The following BRINP3 variants were observed in gnomAD, a reference collection of about 807,000 sequenced individuals.
BRINP3 encodes BMP/retinoic acid inducible neural specific 3.
In BRINP3, 19 loss-of-function variants were observed where a neutral mutation model predicts 71.0. That is an observed-to-expected ratio of 0.27 (90% CI 0.19 to 0.39). The LOEUF is 0.39. Ranked by LOEUF, BRINP3 falls within the 10% of genes least tolerant of loss-of-function variation. The pLI is 1.00. For missense variants in BRINP3, 959 were observed against 940.8 expected, an observed-to-expected ratio of 1.02 and a Z score of -0.25; for synonymous variants, 380 against 337.7, an observed-to-expected ratio of 1.13 and a Z score of -1.37.
intron 2 of BRINP3, among the ~76,000 whole-genome samples, chr1:190,370,057 A>G (rs1386764632): frequency 6.6e-6 from 1 of 152,152 alleles, no homozygotes; most frequent in East Asian, 1.9e-4. Flanking sequence ...TGACCATCTC[A>G]GTGAAGAAAT....
intron 6 of BRINP3, among the ~76,000 whole-genome samples, chr1:190,188,759 T>C (rs1194574851): frequency 6.6e-6 from 1 of 152,040 alleles, no homozygotes; most frequent in Non-Finnish European, 1.5e-5. Flanking sequence ...GGCTTGCTGG[T>C]ATCTTTTTTT....
At chr1:190,361,438 CT>C (rs1669141185) in intron 2 of BRINP3, among the ~76,000 whole-genome samples, 2 of 151,950 alleles carry the variant, frequency 1.3e-5, no homozygotes. Flanking sequence ...AAGTCTTGCT[CT>C]GTCACCAGGC....
At chr1:190,246,070 G>C (rs1004414922) in intron 4 of BRINP3, among the ~76,000 whole-genome samples, 4 of 134,148 alleles carry the variant, frequency 3.0e-5, no homozygotes, top group Admixed American at 1.7e-4. Flanking sequence ...ACATACGTGT[G>C]CATGTGTCTT....
At position 190,160,661 on chromosome 1, in the gene BRINP3, G is replaced by A. The variant is rs1206437005; in HGVS notation, c.1184+7C>T. On this transcript the variant is annotated splice_region_variant and intron_variant, in intron 7 of 7. Coordinates refer to ENST00000367462, the MANE Select transcript of BRINP3 (RefSeq NM_199051.3). ...CTTAATTGCTTACATTACCACAAAT[G>A]TCTTACCTTTGTCTTGGCAGGCTGA... 6.2e-7 allele frequency: 1 copy of A among 1,609,854 alleles called. No homozygotes were observed. The highest frequency in any genetic ancestry group is 1.7e-5 in the Admixed American group (1 of 59,298).
At chr1:190,473,544 T>C (rs940770766) in intron 1 of BRINP3, among the ~76,000 whole-genome samples, 1 of 149,480 alleles carries the variant, frequency 6.7e-6, no homozygotes, top group African/African-American at 2.4e-5. Flanking sequence ...TTTTCTCTTT[T>C]TTTTTTTTTT....
chr1:190,475,640 G>C (rs1284542518), intron 1 of BRINP3: 1 of 152,172 alleles, frequency 6.6e-6, no homozygotes, highest in Non-Finnish European at 1.5e-5. Flanking sequence ...GCGTTGCCGT[G>C]AGCTGCGGAG....
chr1:190,476,123 A>T (rs958014039), intron 1 of BRINP3: 2 of 151,562 alleles, frequency 1.3e-5, no homozygotes, highest in Admixed American at 1.3e-4. Context: ...AGACGGGGGG[A>T]TGGGGCGACG....
At position 190,098,095 on chromosome 1, in the gene BRINP3, T is replaced by A; in HGVS notation, c.2224A>T (p.Ile742Phe). 6.2e-7 allele frequency: 1 copy of A among 1,614,174 alleles called. No individual in the cohort carries two copies. The highest frequency in any genetic ancestry group is 8.5e-7 in the Non-Finnish European group (1 of 1,180,034). ...TTAAACGCCTGCAGAGCAGATTGGATCCTCACCACCTCACTAGTAGACAGC... is the reference window on the plus strand; with the variant it reads ...TTAAACGCCTGCAGAGCAGATTGGAACCTCACCACCTCACTAGTAGACAGC... ...LKLSTSEVVR[I>F]QSALQAFNAK... Residue 742 changes from isoleucine (I) to phenylalanine (F), a missense_variant, in exon 8 of 8, where the codon ATC becomes TTC. By Grantham distance (21) the Ile-to-Phe change is conservative. Transcript: ENST00000367462.
intron 7 of BRINP3, among the ~76,000 whole-genome samples, chr1:190,111,406 C>T (rs1168967278): frequency 1.3e-5 from 2 of 151,734 alleles, no homozygotes; most frequent in South Asian, 2.1e-4. Context: ...GAAACAGCAA[C>T]GTGATATGTA....
At chr1:190,249,941 T>C (rs947957501) in intron 4 of BRINP3, among the ~76,000 whole-genome samples, 5 of 151,962 alleles carry the variant, frequency 3.3e-5, no homozygotes, top group African/African-American at 1.2e-4. Context: ...TAGAAGATTG[T>C]AGTTTAAAAG....
chr1:190,284,333 T>C (rs1571628345), intron 2 of BRINP3, among the ~76,000 whole-genome samples: 1 of 152,008 alleles, frequency 6.6e-6, no homozygotes, highest in East Asian at 1.9e-4. Context: ...GAAAATATTG[T>C]TTACTCTTTA....
chr1:190,285,238 C>T (rs183838534), intron 2 of BRINP3, among the ~76,000 whole-genome samples: 4 of 152,180 alleles, frequency 2.6e-5, no homozygotes, highest in Admixed American at 1.3e-4. Flanking sequence ...AGATATGAAT[C>T]GAAATTCCCA....
intron 2 of BRINP3, among the ~76,000 whole-genome samples, chr1:190,330,647 A>T (rs1200173784): frequency 9.2e-5 from 14 of 151,994 alleles, no homozygotes; most frequent in Admixed American, 9.2e-4. Context: ...TCCAAAAGAA[A>T]ACAAATCATT....
In BRINP3 at chr1:190,309,813, A is replaced by G. The variant is rs570734151; in HGVS notation, c.237-28063T>C. Among the ~76,000 whole-genome samples the G allele has an allele frequency of 1.3e-4, 19 of 151,910 alleles. 1 individual carries two copies. Among genetic ancestry groups the G allele is most frequent in the African/African-American group, 4.3e-4 (18 of 41,524 alleles). On this transcript the variant is annotated intron_variant, in intron 2 of 7. Coordinates refer to ENST00000367462, the MANE Select transcript of BRINP3 (RefSeq NM_199051.3). ...GGAGTGTACACCACTCTAATTTATA[A>G]TTTGCTAATCTGAAAATATTACTTG... is the stretch of plus-strand genomic sequence containing the variant.
At position 190,097,862 on chromosome 1, in the gene BRINP3, G is replaced by T. The variant is rs1357008630; in HGVS notation, c.*156C>A. On this transcript the variant is annotated 3_prime_UTR_variant, in exon 8 of 8. Transcript: ENST00000367462. ...CTGCTGTATAATATATTCATTGTCA[G>T]CAAGTTCATGTGTGTAAATTGCCAT... 8.9e-6 allele frequency: 7 copies of T among 784,158 alleles called. No individual in the cohort carries two copies. The highest frequency in any genetic ancestry group is 1.4e-5 in the Non-Finnish European group (7 of 499,714). 48.6% of individuals were successfully genotyped at this position (784,158 alleles called of 1,614,324 possible). A position where few individuals can be genotyped will look rare whatever the true frequency, so the allele number is the denominator to read the frequency against.
At chr1:190,200,388 G>C (rs1431117331) in intron 6 of BRINP3, among the ~76,000 whole-genome samples, 1 of 152,058 alleles carries the variant, frequency 6.6e-6, no homozygotes. Flanking sequence ...TATAGAACAT[G>C]AACCAATAGA....
At chr1:190,467,257 C>CA (rs1265122907) in intron 1 of BRINP3, among the ~76,000 whole-genome samples, 2 of 151,436 alleles carry the variant, frequency 1.3e-5, no homozygotes, top group Non-Finnish European at 3.0e-5. Flanking sequence ...CTACAAATAG[C>CA]AAAAAACTGT....
chr1:190,393,973 A>G (rs1671416246), intron 2 of BRINP3, among the ~76,000 whole-genome samples: 1 of 151,654 alleles, frequency 6.6e-6, no homozygotes, highest in Non-Finnish European at 1.5e-5. Context: ...CCTGAAAACT[A>G]TTTAACTTGA....
intron 2 of BRINP3, among the ~76,000 whole-genome samples, chr1:190,386,443 A>C (rs1395679760): frequency 6.6e-6 from 1 of 151,732 alleles, no homozygotes; most frequent in African/African-American, 2.4e-5. Context: ...TTAATAATTA[A>C]GTTTTATTAT....
Sources: allele counts gnomAD v4.1 joint callset (sites outside exome capture counted in the v4.1 genomes callset), GRCh38; gene constraint gnomAD v4.1.1; transcripts MANE v1.5; gene names NCBI Gene and HGNC (gene_info 2026-07-23, HGNC 2026-07-21).